SBF2: variants seen among roughly 807,000 people sequenced by gnomAD.
SBF2 encodes the protein SET binding factor 2, also known as myotubularin-related protein 13.
Under a neutral mutation model 225.2 loss-of-function variants are expected in SBF2, and 112 were observed. That is an observed-to-expected ratio of 0.50 (90% CI 0.43 to 0.58). The LOEUF is 0.58. Among genes scored for constraint, SBF2 ranks in the 20% least tolerant of loss-of-function variants. SBF2 has a pLI of 0.00. For missense variants in SBF2, 1,996 were observed against 2,206.2 expected (o/e 0.90, Z 1.91); for synonymous variants, 763 against 773.3 (o/e 0.99, Z 0.22).
intron 35 of SBF2, among the ~76,000 whole-genome samples, chr11:9,788,455 G>A (rs1179584858): frequency 6.6e-6 from 1 of 152,208 alleles, no homozygotes; most frequent in Non-Finnish European, 1.5e-5. Flanking sequence ...CTGACCAGAG[G>A]AAGTAAAGCA....
Position 9,785,337 on chromosome 11 carries a change from G to A in SBF2, c.5038-19C>T, listed in dbSNP as rs202137367. 2.5e-6 allele frequency: 4 copies of A among 1,607,968 alleles called. No individual in the cohort carries two copies. The East Asian group carries it at 8.9e-5, about 36-fold the overall frequency. ...TTTGGGACTGAAAAAGACAGGACAG[G>A]AGCTAGGAAACCTTTACAGACACTT... is the stretch of plus-strand genomic sequence containing the variant. On this transcript the variant is annotated intron_variant, in intron 36 of 39. Transcript: ENST00000256190.
chr11:10,077,033 C>T (rs924501036), intron 2 of SBF2, among the ~76,000 whole-genome samples: 3 of 152,164 alleles, frequency 2.0e-5, no homozygotes, highest in Non-Finnish European at 4.4e-5. Flanking sequence ...TTGCCACCAC[C>T]TCAGCTGGAT....
chr11:9,938,066 C>A (rs528603546), intron 16 of SBF2, among the ~76,000 whole-genome samples: 2 of 151,872 alleles, frequency 1.3e-5, no homozygotes, highest in African/African-American at 2.4e-5. Flanking sequence ...CCAAGGCGGG[C>A]GGATCACGCG....
intron 16 of SBF2, among the ~76,000 whole-genome samples, chr11:9,910,942 C>T (rs1324725470): frequency 6.6e-6 from 1 of 150,868 alleles, no homozygotes; most frequent in Non-Finnish European, 1.5e-5. Flanking sequence ...GCCTGTAGTC[C>T]CAGCTACTCA....
chr11:10,105,088 T>C (rs1296511827), intron 2 of SBF2, among the ~76,000 whole-genome samples: 1 of 152,190 alleles, frequency 6.6e-6, no homozygotes, highest in Non-Finnish European at 1.5e-5. Context: ...GTGAGAATAA[T>C]GCTGGCCTTA....
chr11:9,959,763 G>A, intron 16 of SBF2: 1 of 648,204 alleles, frequency 1.5e-6, no homozygotes, highest in Non-Finnish European at 3.0e-6. Flanking sequence ...CTCTGTTTAA[G>A]TGGGAGCTTG....
At chr11:9,807,724 T>C in intron 32 of SBF2, 1 of 483,900 alleles carries the variant, frequency 2.1e-6, no homozygotes, top group East Asian at 3.9e-5. Flanking sequence ...AAGCCCAAGT[T>C]TGCTTCTCTT....
intron 16 of SBF2, among the ~76,000 whole-genome samples, chr11:9,924,342 C>T (rs868238344): frequency 1.3e-5 from 2 of 152,180 alleles, no homozygotes; most frequent in African/African-American, 4.8e-5. Flanking sequence ...CAACTGTAGG[C>T]TAACGTAAGT....
chr11:9,909,320 T>C (rs984304878), intron 16 of SBF2, among the ~76,000 whole-genome samples: 4 of 151,154 alleles, frequency 2.6e-5, no homozygotes, highest in African/African-American at 9.7e-5. Context: ...CTTTCTCTCT[T>C]TTTTTTTTCC....
At chr11:9,829,860 G>A (rs1335645969) in intron 27 of SBF2, among the ~76,000 whole-genome samples, 1 of 152,198 alleles carries the variant, frequency 6.6e-6, no homozygotes, top group African/African-American at 2.4e-5. Context: ...GAACAACAAC[G>A]CCTTGATGAT....
At chr11:10,194,839 T>C (rs1040290328) in intron 1 of SBF2, among the ~76,000 whole-genome samples, 9 of 151,784 alleles carry the variant, frequency 5.9e-5, no homozygotes, top group Admixed American at 4.6e-4. Flanking sequence ...CTGATACGTA[T>C]GAAAAGCTAA....
At chr11:9,918,963 T>C (rs1019385114) in intron 16 of SBF2, among the ~76,000 whole-genome samples, 17 of 151,930 alleles carry the variant, frequency 1.1e-4, no homozygotes, top group South Asian at 6.2e-4. Flanking sequence ...AGGATGGTCT[T>C]GATCTCCTGA....
At chr11:9,859,839 A>T (rs1402696677) in intron 17 of SBF2, among the ~76,000 whole-genome samples, 2 of 152,222 alleles carry the variant, frequency 1.3e-5, no homozygotes, top group Non-Finnish European at 2.9e-5. Flanking sequence ...ATTTTGCCTT[A>T]AAGAGTCTCT....
At chr11:10,080,629 A>G (rs1007912368) in intron 2 of SBF2, among the ~76,000 whole-genome samples, 24 of 152,192 alleles carry the variant, frequency 1.6e-4, no homozygotes, top group African/African-American at 5.3e-4. Context: ...TTACTCTTTA[A>G]CATAAATTGA....
rs560534213 is a variant in SBF2, at chr11:10,179,730, C to T, written c.141+14172G>A. Among the ~76,000 whole-genome samples, 580 of 152,146 alleles carry T rather than the reference C, an allele frequency of 3.8e-3. 4 individuals are homozygous for T. The highest frequency in any genetic ancestry group is 5.2e-3 in the South Asian group (25 of 4,816). ...ATGCATGTGGCAGGACTTACTCCTGCCATTTTGTTATTTGTTTTCTGGTTG... is the reference window on the plus strand; with the variant it reads ...ATGCATGTGGCAGGACTTACTCCTGTCATTTTGTTATTTGTTTTCTGGTTG... On this transcript the variant is annotated intron_variant, in intron 2 of 39. Coordinates refer to ENST00000256190, the MANE Select transcript of SBF2 (RefSeq NM_030962.4).
At position 9,974,960 on chromosome 11, in the gene SBF2, C is replaced by CAAAAAAA. The variant is rs1166081188; in HGVS notation, c.1396-6422_1396-6416dup. On this transcript the variant is annotated intron_variant, in intron 13 of 39. Transcript: ENST00000256190. ...GGGCAACAACAGCGAAACTTTGACTCAAAAAAAAAAAAAAAAAAAAAAAAA... is the reference window on the plus strand; with the variant it reads ...GGGCAACAACAGCGAAACTTTGACTCAAAAAAAAAAAAAAAAAAAAAAAAAAAAAAAA... 9.2e-3 allele frequency among the ~76,000 whole-genome samples: 213 copies of CAAAAAAA among 23,210 alleles called. 31 individuals are homozygous for CAAAAAAA. The highest frequency in any genetic ancestry group is 9.6e-3 in the African/African-American group (82 of 8,506). The allele number at this position is 23,210 out of a possible 152,430, so 15.2% of individuals were successfully genotyped here.
At chr11:9,808,575 G>A (rs1853983953) in intron 31 of SBF2, 2 of 408,178 alleles carry the variant, frequency 4.9e-6, no homozygotes, top group Non-Finnish European at 9.1e-6. Flanking sequence ...TTAAGGCGGG[G>A]CTTATAGAGA....
chr11:10,239,051 C>T lies in SBF2; in HGVS notation c.56-45064G>A, dbSNP rs974335567. Among the ~76,000 whole-genome samples the T allele has an allele frequency of 4.0e-4, 61 of 150,662 alleles. 4 individuals are homozygous for T. The highest frequency in any genetic ancestry group is 2.4e-3 in the Admixed American group (37 of 15,130). On this transcript the variant is annotated intron_variant, in intron 1 of 39. Coordinates refer to ENST00000256190, the MANE Select transcript of SBF2 (RefSeq NM_030962.4). Reference sequence around the variant, plus strand: ...AACTGACCTGAATTATACATATATACACACATATATGTTTATGTGTATATA... The same window carrying T: ...AACTGACCTGAATTATACATATATATACACATATATGTTTATGTGTATATA...
chr11:9,836,504 T>C (rs1855744242), intron 26 of SBF2, among the ~76,000 whole-genome samples: 1 of 152,202 alleles, frequency 6.6e-6, no homozygotes, highest in African/African-American at 2.4e-5. Flanking sequence ...CTATACTGTC[T>C]TAATTACTGT....
Sources: allele counts gnomAD v4.1 joint callset (sites outside exome capture counted in the v4.1 genomes callset), GRCh38; gene constraint gnomAD v4.1.1; transcripts MANE v1.5; gene names NCBI Gene and HGNC (gene_info 2026-07-23, HGNC 2026-07-21).